Variants in ALK observed in about 807,000 individuals in gnomAD.
ALK encodes the protein ALK tyrosine kinase receptor.
Under a neutral mutation model 163.1 loss-of-function variants are expected in ALK, and 74 were observed. That is an observed-to-expected ratio of 0.45 (90% CI 0.38 to 0.55). The LOEUF (loss-of-function observed/expected upper bound fraction) is 0.55. Among genes scored for constraint, ALK ranks in the 20% least tolerant of loss-of-function variants. The pLI, the probability that ALK is intolerant of heterozygous loss-of-function variation, is 0.00. For missense variants in ALK, 2,063 were observed against 2,105.3 expected, an observed-to-expected ratio of 0.98 and a Z score of 0.39; for synonymous variants, 960 against 843.2, an observed-to-expected ratio of 1.14 and a Z score of -2.40.
chr2:29,920,634 A>G lies in ALK; in HGVS notation c.26T>C (p.Leu9Pro), dbSNP rs764671855. The part of the protein sequence containing the change: MGAIGLLW[L>P]LPLLLSTAAV... ...TGCCGTGGAAAGCAGCAGCGGCAGGAGCCACAGGAGCCCGATGGCTCCCAT... is the reference window on the plus strand; with the variant it reads ...TGCCGTGGAAAGCAGCAGCGGCAGGGGCCACAGGAGCCCGATGGCTCCCAT... Residue 9 changes from leucine to proline, a missense_variant, in exon 1 of 29, where the codon CTC (leucine) becomes CCC (proline). By Grantham distance (98) the Leu-to-Pro change is moderately conservative (BLOSUM62 -3). This residue lies in a region of ALK where 987 missense variants were observed against 939.5 expected (regional missense o/e 1.05). Coordinates refer to ENST00000389048, the MANE Select transcript of ALK (RefSeq NM_004304.5). 2.3e-5 allele frequency: 36 copies of G among 1,539,416 alleles called. No homozygotes were observed. Among genetic ancestry groups the G allele is most frequent in the Non-Finnish European group, 2.8e-5 (32 of 1,149,876 alleles).
At chr2:29,306,124 A>T (rs1203215966) in intron 8 of ALK, among the ~76,000 whole-genome samples, 4 of 152,202 alleles carry the variant, frequency 2.6e-5, no homozygotes, top group Non-Finnish European at 5.9e-5. Context: ...CCTACTGGAT[A>T]TGAAGTCATT....
intron 4 of ALK, among the ~76,000 whole-genome samples, chr2:29,408,085 TTC>T (rs1669633605): frequency 3.4e-5 from 5 of 148,396 alleles, no homozygotes; most frequent in Non-Finnish European, 5.9e-5. Flanking sequence ...AAAGTTCTTT[TTC>T]TTTTTTTTTT....
chr2:29,720,586 C>G (rs900337419), intron 1 of ALK, among the ~76,000 whole-genome samples: 1 of 152,144 alleles, frequency 6.6e-6, no homozygotes, highest in Non-Finnish European at 1.5e-5. Flanking sequence ...GAAAGCAAAG[C>G]CCACATGAAT....
intron 3 of ALK, among the ~76,000 whole-genome samples, chr2:29,551,756 A>T (rs1322663003): frequency 1.3e-5 from 2 of 152,202 alleles, no homozygotes; most frequent in African/African-American, 4.8e-5. Context: ...ACCAAAATGT[A>T]AAATGGGTAA....
At chr2:29,354,551 CCATCCTTCTT>C (rs377357161) in intron 5 of ALK, among the ~76,000 whole-genome samples, 1 of 150,954 alleles carries the variant, frequency 6.6e-6, no homozygotes, top group African/African-American at 2.4e-5. Flanking sequence ...GCACCGGAGA[CCATCCTTCTT>C]CATCCTTCTT....
intron 1 of ALK, among the ~76,000 whole-genome samples, chr2:29,885,182 A>G (rs572744057): frequency 5.3e-5 from 8 of 152,298 alleles, no homozygotes; most frequent in African/African-American, 1.9e-4. Context: ...TTATTTTGAT[A>G]TTGGATAATG....
chr2:29,237,247 A>G (rs940895878), intron 13 of ALK, among the ~76,000 whole-genome samples: 1 of 152,182 alleles, frequency 6.6e-6, no homozygotes, highest in Non-Finnish European at 1.5e-5. Context: ...TAGCCCTTGA[A>G]TTCATTGTCT....
intron 11 of ALK, among the ~76,000 whole-genome samples, chr2:29,274,758 T>G (rs78211245): frequency 0.095 from 14,443 of 152,276 alleles, 749 homozygotes; most frequent in Middle Eastern, 0.15. Flanking sequence ...GGAGAAATCT[T>G]ACAGTAAGCT....
intron 4 of ALK, among the ~76,000 whole-genome samples, chr2:29,388,489 C>G (rs575775958): frequency 6.6e-6 from 1 of 152,354 alleles, no homozygotes; most frequent in South Asian, 2.1e-4. Context: ...ATTCAGCTCT[C>G]AGCTCCACCA....
intron 19 of ALK, among the ~76,000 whole-genome samples, chr2:29,224,183 T>C (rs1407986456): frequency 1.3e-5 from 2 of 152,184 alleles, no homozygotes; most frequent in African/African-American, 2.4e-5. Context: ...GTGTTTCCTA[T>C]AGTTGGAGAA....
At chr2:29,679,732 G>GAA (rs139619353) in intron 3 of ALK, among the ~76,000 whole-genome samples, 2 of 151,076 alleles carry the variant, frequency 1.3e-5, no homozygotes, top group Admixed American at 6.6e-5. Flanking sequence ...AGAAGAATAA[G>GAA]AAAAAGGTTG....
rs1045473690 is a variant in ALK, at chr2:29,636,560, CA to C, written c.952+58289del. ...CAGAAAGAGTTCTTAGACTTGGCAC[CA>C]AAAAACACTATCTATAAAAGAAAAA... On this transcript the variant is annotated intron_variant, in intron 3 of 28. Coordinates refer to ENST00000389048, the MANE Select transcript of ALK (RefSeq NM_004304.5). Among the ~76,000 whole-genome samples, 4 of 151,710 alleles carry C rather than the reference CA, an allele frequency of 2.6e-5. No individual in the cohort carries two copies. In the East Asian group the frequency reaches 5.8e-4, roughly 22 times the overall value.
At chr2:29,593,064 G>T (rs913364991) in intron 3 of ALK, among the ~76,000 whole-genome samples, 5 of 152,212 alleles carry the variant, frequency 3.3e-5, no homozygotes, top group African/African-American at 7.2e-5. Flanking sequence ...ACCAATATCA[G>T]AATATCTTCT....
intron 11 of ALK, among the ~76,000 whole-genome samples, chr2:29,263,121 G>A (rs1216265798): frequency 6.6e-6 from 1 of 152,214 alleles, no homozygotes; most frequent in Non-Finnish European, 1.5e-5. Flanking sequence ...TAAGTGGGAA[G>A]TGGTTGGTGG....
At chr2:29,276,671 G>A (rs562975350) in intron 9 of ALK, among the ~76,000 whole-genome samples, 4 of 152,282 alleles carry the variant, frequency 2.6e-5, no homozygotes, top group South Asian at 4.1e-4. Flanking sequence ...ACCCGGAGAC[G>A]TGCTATAAAA....
chr2:29,239,324 G>C (rs911860854), intron 13 of ALK, among the ~76,000 whole-genome samples: 2 of 152,236 alleles, frequency 1.3e-5, no homozygotes, highest in African/African-American at 4.8e-5. Context: ...TGGAGAAGGA[G>C]CTGGGGGTCC....
chr2:29,370,961 TA>T (rs1296914766), intron 5 of ALK, among the ~76,000 whole-genome samples: 1 of 152,230 alleles, frequency 6.6e-6, no homozygotes, highest in African/African-American at 2.4e-5. Context: ...TAATGTTTGT[TA>T]ATCGTTTTGT....
intron 5 of ALK, among the ~76,000 whole-genome samples, chr2:29,363,013 G>A (rs1289717089): frequency 6.6e-6 from 1 of 152,172 alleles, no homozygotes; most frequent in Non-Finnish European, 1.5e-5. Context: ...AGATGTTTCT[G>A]GGAATGTTTT....
intron 1 of ALK, among the ~76,000 whole-genome samples, chr2:29,807,133 TC>T: frequency 6.6e-6 from 1 of 152,276 alleles, no homozygotes; most frequent in Middle Eastern, 3.4e-3. Flanking sequence ...GTGCCTTGAG[TC>T]TTTATGGCAA....
Sources: gnomAD v4.1 joint callset for allele counts (sites outside exome capture counted in the v4.1 genomes callset) on GRCh38, gnomAD v4.1.1 for gene constraint, gnomAD v4.1.1 regional missense constraint, MANE v1.5 for transcripts, NCBI Gene and HGNC (gene_info 2026-07-23, HGNC 2026-07-21) for gene names.